Variants in FUNDC2 observed in about 807,000 individuals in gnomAD.
FUNDC2 encodes FUN14 domain-containing protein 2.
FUNDC2 carries 4 observed loss-of-function variants against 15.6 expected under a neutral mutation model. The observed-to-expected ratio is 0.26, with a 90% CI of 0.13 to 0.59. FUNDC2 has a LOEUF of 0.59. Ranked by LOEUF, FUNDC2 falls within the 20% of genes least tolerant of loss-of-function variation. FUNDC2 has a pLI of 0.90. For missense variants in FUNDC2, 98 were observed against 149.7 expected (o/e 0.65, Z 1.80); for synonymous variants, 44 against 56.9 (o/e 0.77, Z 1.02).
At chrX:155,042,041 C>T (rs2073847826) in intron 2 of FUNDC2, among the ~76,000 whole-genome samples, 1 of 97,264 alleles carries the variant, frequency 1.0e-5, no homozygotes, top group South Asian at 5.2e-4. Flanking sequence ...TGCACTCTAC[C>T]CTGGGCGACA....
chrX:155,031,532 G>A (rs1183704882), intron 1 of FUNDC2, among the ~76,000 whole-genome samples: 1 of 112,240 alleles, frequency 8.9e-6, no homozygotes, highest in Non-Finnish European at 1.9e-5. Flanking sequence ...GTTTCACCAT[G>A]TTGGCCAGGC....
At chrX:155,051,501 TA>T (rs1227602464) in intron 3 of FUNDC2, 168 bp from the exon 4 acceptor site, 1 of 466,523 alleles carries the variant, frequency 2.1e-6, no homozygotes, top group African/African-American at 2.4e-5. Context: ...GCTTCGCATA[TA>T]GGGGGGATGC....
intron 4 of FUNDC2, chrX:155,054,148 G>A (rs2073886804): frequency 3.2e-5 from 24 of 753,774 alleles, no homozygotes; most frequent in Non-Finnish European, 3.6e-5. Flanking sequence ...ATTTAGGGGA[G>A]AGACTTCAGG....
intron 2 of FUNDC2, among the ~76,000 whole-genome samples, chrX:155,038,806 G>A (rs1447858179): frequency 1.8e-5 from 2 of 112,211 alleles, no homozygotes; most frequent in Non-Finnish European, 3.8e-5. Flanking sequence ...CAGTGAACAC[G>A]GGAATGCAGA....
rs781952095 is a variant in FUNDC2 at position 155,033,139 on chromosome X, G to A, written c.134-264G>A. ...TGGGATTACAGGCGTGAGCCACCGC[G>A]CCCAGCCTTTTTTGTTATTTTTAAA... On this transcript the variant is annotated intron_variant, in intron 1 of 4. Coordinates refer to ENST00000369498, the MANE Select transcript of FUNDC2 (RefSeq NM_023934.4). The A allele has an allele frequency of 1.7e-4, 37 of 222,009 alleles. 1 individual carries two copies. The Admixed American group carries it at 1.7e-3, about 10-fold the overall frequency. 18.3% of individuals were successfully genotyped at this position (222,009 alleles called of 1,213,427 possible).
intron 2 of FUNDC2, among the ~76,000 whole-genome samples, chrX:155,034,228 T>A (rs2073824376): frequency 8.9e-6 from 1 of 112,898 alleles, no homozygotes; most frequent in Non-Finnish European, 1.9e-5. Flanking sequence ...TAACACCAGT[T>A]ATGTCACTAA....
rs182492647 is a variant in FUNDC2 at position 155,056,318 on chromosome X, C to G, written c.*1646C>G. 36 of 111,452 alleles carry G rather than the reference C, an allele frequency of 3.2e-4. No individual in the cohort carries two copies. The highest frequency in any genetic ancestry group is 1.1e-3 in the African/African-American group (33 of 30,694). 9.2% of individuals were successfully genotyped at this position (111,452 alleles called of 1,213,427 possible). A position where few individuals can be genotyped will look rare whatever the true frequency, so the allele number is the denominator to read the frequency against. On this transcript the variant is annotated 3_prime_UTR_variant, in exon 5 of 5. Coordinates refer to ENST00000369498, the MANE Select transcript of FUNDC2 (RefSeq NM_023934.4). ...TTTTATCATATTTCAGTATGTATCT[C>G]TAAAAGGTAAGAATTATTTCTAAAA...
chrX:155,036,161 A>G lies in FUNDC2; in HGVS notation c.284+2608A>G, dbSNP rs140526098. Among the ~76,000 whole-genome samples the G allele has an allele frequency of 5.5e-3, 619 of 112,266 alleles. 3 individuals are homozygous for G. The highest frequency in any genetic ancestry group is 0.019 in the African/African-American group (584 of 30,877). On this transcript the variant is annotated intron_variant, in intron 2 of 4. Coordinates refer to ENST00000369498, the MANE Select transcript of FUNDC2 (RefSeq NM_023934.4). The stretch of plus-strand genomic sequence containing the variant: ...TGTGTGAGGGTTCCAGTTCCTCTGC[A>G]TCCTTACTAACACTTGGTATTATCT...
chrX:155,033,974 AAAAG>A (rs1557288955), intron 2 of FUNDC2, among the ~76,000 whole-genome samples: 1 of 112,635 alleles, frequency 8.9e-6, no homozygotes. Flanking sequence ...AATAAATTCA[AAAAG>A]TAATAGCAAA....
chrX:155,057,968 G>C lies in FUNDC2; in HGVS notation c.*3296G>C, dbSNP rs1309429270. On this transcript the variant is annotated 3_prime_UTR_variant, in exon 5 of 5. Transcript: ENST00000369498. ...CTGACACGGGAGCTGGGTGCGGGGA[G>C]AGATGTGGTGGTGGGGACCCTTGCC... is the stretch of plus-strand genomic sequence containing the variant. The C allele has an allele frequency of 4.5e-5, 5 of 111,376 alleles. No homozygotes were observed. Among genetic ancestry groups the C allele is most frequent in the African/African-American group, 1.6e-4 (5 of 30,560 alleles). 9.2% of individuals were successfully genotyped at this position (111,376 alleles called of 1,213,427 possible).
rs1339155461 is a variant in FUNDC2, at chrX:155,056,049, C to A, written c.*1377C>A. 1.8e-5 allele frequency: 2 copies of A among 112,140 alleles called. No individual in the cohort carries two copies. The highest frequency in any genetic ancestry group is 6.5e-5 in the African/African-American group (2 of 30,789). The allele number at this position is 112,140 out of a possible 1,213,427, so 9.2% of individuals were successfully genotyped here. On this transcript the variant is annotated 3_prime_UTR_variant, in exon 5 of 5. Transcript: ENST00000369498. ...CTCCTTACATTTAAGGAAACATAAGCCATTTTGCTTGCAATATGTATGAAT... is the reference window on the plus strand; with the variant it reads ...CTCCTTACATTTAAGGAAACATAAGACATTTTGCTTGCAATATGTATGAAT...
At chrX:155,043,051 C>T (rs181899258) in intron 2 of FUNDC2, among the ~76,000 whole-genome samples, 235 of 111,678 alleles carry the variant, frequency 2.1e-3, no homozygotes, top group Non-Finnish European at 3.3e-3. Flanking sequence ...ATCCTCCCAC[C>T]TCAGCCTCTT....
rs1244008329 is a variant in FUNDC2, at chrX:155,056,203, C to A, written c.*1531C>A. 1 of 111,764 alleles carries A rather than the reference C, an allele frequency of 8.9e-6. No individual in the cohort carries two copies. Among genetic ancestry groups the A allele is most frequent in the Non-Finnish European group, 1.9e-5 (1 of 53,142 alleles). The allele number at this position is 111,764 out of a possible 1,213,427, so 9.2% of individuals were successfully genotyped here. On this transcript the variant is annotated 3_prime_UTR_variant, in exon 5 of 5. Coordinates refer to ENST00000369498, the MANE Select transcript of FUNDC2 (RefSeq NM_023934.4). ...GTAGAGAATATAGTACAATAATCCC[C>A]CTGTGTATCTATCACTCACTCACAA... is the stretch of plus-strand genomic sequence containing the variant.
intron 2 of FUNDC2, among the ~76,000 whole-genome samples, chrX:155,038,542 C>T (rs2073838536): frequency 8.9e-6 from 1 of 111,864 alleles, no homozygotes; most frequent in Non-Finnish European, 1.9e-5. Context: ...CTTTGGTCAC[C>T]ACCATTCTCT....
Position 155,051,693 on chromosome X carries a change from C to A in FUNDC2, c.384C>A (p.Ile128=). The A allele has an allele frequency of 8.3e-7, 1 of 1,210,667 alleles. No homozygotes were observed. The highest frequency in any genetic ancestry group is 1.1e-6 in the Non-Finnish European group (1 of 894,411). ...LLQLANHTGY[I]KVDWQRVEKD... is the part of the protein sequence containing the mutation. ...AGCTTGCAAACCATACTGGGTACATCAAAGTTGACTGGCAACGAGTGGAGA... is the reference window on the plus strand; with the variant it reads ...AGCTTGCAAACCATACTGGGTACATAAAAGTTGACTGGCAACGAGTGGAGA... Residue 128 remains isoleucine, a synonymous_variant, in exon 4 of 5, where the codon ATC becomes ATA. Coordinates refer to ENST00000369498, the MANE Select transcript of FUNDC2 (RefSeq NM_023934.4).
At chrX:155,047,032 C>G (rs1321292740) in intron 3 of FUNDC2, 1 of 216,436 alleles carries the variant, frequency 4.6e-6, no homozygotes, top group East Asian at 1.1e-4. Context: ...CCCATAGTTT[C>G]AGAACCAGTG....
chrX:155,034,472 CTTATA>C, intron 2 of FUNDC2, among the ~76,000 whole-genome samples: 1 of 111,792 alleles, frequency 8.9e-6, no homozygotes, highest in Non-Finnish European at 1.9e-5. Context: ...TAATACTATG[CTTATA>C]TGAGTATTAG....
Position 155,054,806 on chromosome X carries a change from C to G in FUNDC2, c.*134C>G, listed in dbSNP as rs1313078207. The G allele has an allele frequency of 3.7e-6, 2 of 541,241 alleles. No homozygotes were observed. Among genetic ancestry groups the G allele is most frequent in the Non-Finnish European group, 6.3e-6 (2 of 315,410 alleles). The allele number at this position is 541,241 out of a possible 1,213,427, so 44.6% of individuals were successfully genotyped here. ...GCCATGGCAAATCTGAGTGGCTTCT[C>G]TAAGCATCTGCTGGTACAAGTCAAT... On this transcript the variant is annotated 3_prime_UTR_variant, in exon 5 of 5. Transcript: ENST00000369498.
chrX:155,047,005 G>A (rs1030584514), intron 3 of FUNDC2: 3 of 208,577 alleles, frequency 1.4e-5, no homozygotes, highest in East Asian at 1.2e-4. Flanking sequence ...GTCAGATGTC[G>A]TCTGCTGTCT....
Sources: allele counts gnomAD v4.1 joint callset (sites outside exome capture counted in the v4.1 genomes callset), GRCh38; gene constraint gnomAD v4.1.1; transcripts MANE v1.5; gene names NCBI Gene and HGNC (gene_info 2026-07-23, HGNC 2026-07-21).